The following UBE2R2 variants were observed in gnomAD, a reference collection of about 807,000 sequenced individuals.
UBE2R2 encodes ubiquitin-conjugating enzyme E2 R2.
A neutral mutation model predicts 27.8 loss-of-function variants in UBE2R2; 1 was observed. The ratio of observed to expected loss-of-function variants is 0.04; its 90% CI spans 0.01 to 0.17. UBE2R2 has a LOEUF of 0.17. Among genes scored for constraint, UBE2R2 ranks in the 10% least tolerant of loss-of-function variants. The pLI, the probability that UBE2R2 is intolerant of heterozygous loss-of-function variation, is 1.00. For synonymous variants in UBE2R2, 106 were observed against 113.3 expected, an observed-to-expected ratio of 0.94 and a Z score of 0.41; for missense variants, 100 against 291.0, an observed-to-expected ratio of 0.34 and a Z score of 4.78.
intron 1 of UBE2R2, among the ~76,000 whole-genome samples, chr9:33,881,084 T>G (rs574081): frequency 0.031 from 4,693 of 152,284 alleles, 156 homozygotes; most frequent in East Asian, 0.089. Flanking sequence ...TTTAGTTACA[T>G]CATTTTGTGT....
chr9:33,845,437 A>T (rs929037631), intron 1 of UBE2R2, among the ~76,000 whole-genome samples: 1 of 151,644 alleles, frequency 6.6e-6, no homozygotes, highest in African/African-American at 2.4e-5. Flanking sequence ...TTTAGTAGAG[A>T]CGGGGTTTCA....
At chr9:33,839,784 T>C (rs890691453) in intron 1 of UBE2R2, among the ~76,000 whole-genome samples, 1 of 152,034 alleles carries the variant, frequency 6.6e-6, no homozygotes, top group Non-Finnish European at 1.5e-5. Flanking sequence ...TTGCTTGAGA[T>C]CAGGAGTTTA....
intron 1 of UBE2R2, among the ~76,000 whole-genome samples, chr9:33,876,593 A>C (rs945390160): frequency 1.3e-5 from 2 of 152,104 alleles, no homozygotes; most frequent in African/African-American, 4.8e-5. Flanking sequence ...TGGTAATGTA[A>C]GCATACTTTA....
At chr9:33,916,929 A>G (rs1447478730) in intron 4 of UBE2R2, 89 bp from the exon 5 acceptor site, 3 of 1,524,982 alleles carry the variant, frequency 2.0e-6, no homozygotes, top group East Asian at 2.3e-5. Context: ...GAGCTGAGTC[A>G]TAAGTAATAT....
rs1825844576 is a variant in UBE2R2 at position 33,817,899 on chromosome 9, C to A, written c.142C>A (p.Pro48Thr). 1 of 1,610,190 alleles carries A rather than the reference C, an allele frequency of 6.2e-7. No homozygotes were observed. Residue 48 changes from proline to threonine, a missense_variant, in exon 1 of 5, where the codon CCC (proline) becomes ACC (threonine). This residue lies in a region of UBE2R2 where 43 missense variants were observed against 129.2 expected (regional missense o/e 0.33). Coordinates refer to ENST00000263228, the MANE Select transcript of UBE2R2 (RefSeq NM_017811.4). ...CAACTGGGAGGTGGCCATCTTCGGA[C>A]CCCCCAACACCCTCTACGAAGGCGG... is the stretch of plus-strand genomic sequence containing the variant. ...LYNWEVAIFG[P>T]PNTLYEGGYF...
chr9:33,908,078 G>C (rs903726736), intron 3 of UBE2R2, among the ~76,000 whole-genome samples: 1 of 152,164 alleles, frequency 6.6e-6, no homozygotes, highest in African/African-American at 2.4e-5. Flanking sequence ...GCCTGCCTCG[G>C]CCTCCCAAAG....
At chr9:33,845,301 C>G (rs1278895994) in intron 1 of UBE2R2, among the ~76,000 whole-genome samples, 4 of 148,688 alleles carry the variant, frequency 2.7e-5, no homozygotes. Flanking sequence ...GGCTGGAGTT[C>G]AGTGGCACGA....
intron 1 of UBE2R2, among the ~76,000 whole-genome samples, chr9:33,867,184 G>A (rs1821383329): frequency 6.6e-6 from 1 of 151,920 alleles, no homozygotes. Context: ...CACCGTGCCC[G>A]GCCATAATTT....
intron 1 of UBE2R2, among the ~76,000 whole-genome samples, chr9:33,839,363 A>G (rs13295954): frequency 6.6e-6 from 1 of 151,994 alleles, no homozygotes; most frequent in Admixed American, 6.6e-5. Flanking sequence ...TCAGCCTCCC[A>G]GGTAGCTGAG....
rs61644144 is a variant in UBE2R2 at position 33,874,052 on chromosome 9, A to G, written c.178-12829A>G. 8.4e-4 allele frequency among the ~76,000 whole-genome samples: 127 copies of G among 151,764 alleles called. No homozygotes were observed. The East Asian group carries it at 0.022, about 26-fold the overall frequency. The stretch of plus-strand genomic sequence containing the variant: ...AACCTCTGCTTCCCGAGTTCAAGCA[A>G]TTCTCCTGTCTCAGCCGCCCAAGTA... On this transcript the variant is annotated intron_variant, in intron 1 of 4. Transcript: ENST00000263228.
chr9:33,833,002 A>C lies in UBE2R2; in HGVS notation c.177+15068A>C, dbSNP rs559482653. Among the ~76,000 whole-genome samples, 13 of 152,228 alleles carry C rather than the reference A, an allele frequency of 8.5e-5. No individual in the cohort carries two copies. The South Asian group carries it at 2.7e-3, about 32-fold the overall frequency. On this transcript the variant is annotated intron_variant, in intron 1 of 4. Transcript: ENST00000263228. ...ATGAGGAAAATGGCTCTGAGGACTC[A>C]GAGTTATTATTTGTGTGGTACAATG...
chr9:33,859,435 T>G (rs142662240), intron 1 of UBE2R2, among the ~76,000 whole-genome samples: 21 of 152,342 alleles, frequency 1.4e-4, no homozygotes, highest in Admixed American at 5.2e-4. Context: ...TCCTTGAGAA[T>G]ATCCCTGTTT....
intron 1 of UBE2R2, among the ~76,000 whole-genome samples, chr9:33,859,793 TGTGTGTGAGAGAGAGAGA>T (rs760427717): frequency 1.6e-5 from 2 of 124,716 alleles, no homozygotes; most frequent in South Asian, 2.5e-4. Context: ...TGTGTGTGTG[TGTGTGTGAGAGAGAGAGA>T]GAGAGAGAGA....
intron 2 of UBE2R2, among the ~76,000 whole-genome samples, chr9:33,889,537 A>T (rs1192725876): frequency 6.6e-6 from 1 of 151,724 alleles, no homozygotes; most frequent in Non-Finnish European, 1.5e-5. Context: ...TGCTAATCCC[A>T]TTCATGGGTG....
chr9:33,888,782 G>A (rs563211209), intron 2 of UBE2R2, among the ~76,000 whole-genome samples: 63 of 152,308 alleles, frequency 4.1e-4, no homozygotes, highest in African/African-American at 1.1e-3. Context: ...CTCCCAAAGT[G>A]CTGGGATTAC....
In UBE2R2 at chr9:33,919,951, C is replaced by T. The variant is rs958381329; in HGVS notation, c.*2714C>T. ...GATTCTTTCAGTCTTCCCCCCTTCT[C>T]CTTTTATCAATCATTCCAGAGTTAT... On this transcript the variant is annotated 3_prime_UTR_variant, in exon 5 of 5. Coordinates refer to ENST00000263228, the MANE Select transcript of UBE2R2 (RefSeq NM_017811.4). 4 of 152,188 alleles carry T rather than the reference C, an allele frequency of 2.6e-5. 1 individual carries two copies. The highest frequency in any genetic ancestry group is 2.6e-4 in the Admixed American group (4 of 15,274). The allele number at this position is 152,188 out of a possible 1,614,324, so 9.4% of individuals were successfully genotyped here. A position where few individuals can be genotyped will look rare whatever the true frequency, so the allele number is the denominator to read the frequency against.
chr9:33,873,033 G>T (rs1821521036), intron 1 of UBE2R2, among the ~76,000 whole-genome samples: 1 of 151,910 alleles, frequency 6.6e-6, no homozygotes, highest in East Asian at 1.9e-4. Context: ...AAATTAGCTG[G>T]ATGTGGTGGC....
Position 33,918,632 on chromosome 9 carries a change from G to A in UBE2R2, c.*1395G>A, listed in dbSNP as rs576373598. On this transcript the variant is annotated 3_prime_UTR_variant, in exon 5 of 5. Transcript: ENST00000263228. ...CTTCAGAACTTGAAGGTAATTTTTG[G>A]TTGTTATGGGGGTGCACCAGATCAT... 1.3e-5 allele frequency: 2 copies of A among 152,584 alleles called. No individual in the cohort carries two copies. Among genetic ancestry groups the A allele is most frequent in the African/African-American group, 2.4e-5 (1 of 41,534 alleles). 9.5% of individuals were successfully genotyped at this position (152,584 alleles called of 1,614,324 possible).
At chr9:33,854,473 C>T (rs941170754) in intron 1 of UBE2R2, among the ~76,000 whole-genome samples, 1 of 152,014 alleles carries the variant, frequency 6.6e-6, no homozygotes, top group Non-Finnish European at 1.5e-5. Context: ...GTGCCCGCCA[C>T]CATGCCCGGC....
Sources: allele counts gnomAD v4.1 joint callset (sites outside exome capture counted in the v4.1 genomes callset), GRCh38; gene constraint gnomAD v4.1.1; regional missense constraint gnomAD v4.1.1; transcripts MANE v1.5; gene names NCBI Gene and HGNC (gene_info 2026-07-23, HGNC 2026-07-21).